COLQ: variants seen among roughly 807,000 people sequenced by gnomAD.
The protein encoded by COLQ is collagen like tail subunit of asymmetric acetylcholinesterase.
Under a neutral mutation model 69.0 loss-of-function variants are expected in COLQ, and 48 were observed. That is an observed-to-expected ratio of 0.70 (90% CI 0.55 to 0.88). COLQ has a LOEUF of 0.88. COLQ is among the 40% of genes least tolerant of loss of function. The probability of loss-of-function intolerance (pLI) is 0.00; values close to 1 mark genes in which losing one functional copy is unlikely to be tolerated. For synonymous variants in COLQ, 217 were observed against 211.2 expected, an observed-to-expected ratio of 1.03 and a Z score of -0.24; for missense variants, 618 against 594.6, an observed-to-expected ratio of 1.04 and a Z score of -0.41.
intron 1 of COLQ, among the ~76,000 whole-genome samples, chr3:15,494,036 T>C (rs1054836032): frequency 1.3e-5 from 2 of 152,220 alleles, no homozygotes; most frequent in Non-Finnish European, 2.9e-5. Context: ...TGAGCCGAGA[T>C]TGTGCCATTG....
intron 12 of COLQ, among the ~76,000 whole-genome samples, chr3:15,464,446 C>T (rs2062167463): frequency 6.6e-6 from 1 of 152,208 alleles, no homozygotes; most frequent in African/African-American, 2.4e-5. Context: ...ATTTTTCTGC[C>T]ATAATTCACC....
At chr3:15,475,898 G>C (rs574786939) in intron 6 of COLQ, among the ~76,000 whole-genome samples, 1 of 152,286 alleles carries the variant, frequency 6.6e-6, no homozygotes, top group Admixed American at 6.5e-5. Context: ...TCCTCAGAAT[G>C]ATTTGTGGTT....
At chr3:15,490,513 T>C (rs184524110) in intron 1 of COLQ, among the ~76,000 whole-genome samples, 2 of 152,368 alleles carry the variant, frequency 1.3e-5, no homozygotes, top group East Asian at 1.9e-4. Flanking sequence ...AATGGAATCA[T>C]ACAATATGAA....
At position 15,456,515 on chromosome 3, in the gene COLQ, C is replaced by A. The variant is rs375225755; in HGVS notation, c.1019G>T (p.Arg340Leu). 5 of 1,614,124 alleles carry A rather than the reference C, an allele frequency of 3.1e-6. No homozygotes were observed. Among genetic ancestry groups the A allele is most frequent in the South Asian group, 1.1e-5 (1 of 91,080 alleles). ...RLNTQNAIAF[R>L]RDQRSLYFKD... is the part of the protein sequence containing the mutation. The stretch of plus-strand genomic sequence containing the variant: ...GAAGTACAGAGATCTCTGGTCTCTG[C>A]GGAAGGCAATGGCGTTTTGGGTGTT... Residue 340 changes from arginine (R) to leucine (L), a missense_variant, in exon 14 of 17, where the codon CGC becomes CTC. Coordinates refer to ENST00000383788, the MANE Select transcript of COLQ (RefSeq NM_005677.4).
chr3:15,482,573 G>A (rs1446524958), intron 3 of COLQ, among the ~76,000 whole-genome samples: 2 of 152,204 alleles, frequency 1.3e-5, no homozygotes, highest in Admixed American at 6.5e-5. Flanking sequence ...CTTGATCATG[G>A]TGGATAAGCT....
chr3:15,479,765 T>C (rs1180761405), intron 3 of COLQ, among the ~76,000 whole-genome samples: 2 of 152,200 alleles, frequency 1.3e-5, no homozygotes, highest in Non-Finnish European at 2.9e-5. Flanking sequence ...TCTTTTCAGT[T>C]ACTCTTGCCA....
chr3:15,496,514 T>C (rs2062748515), intron 1 of COLQ, among the ~76,000 whole-genome samples: 1 of 152,188 alleles, frequency 6.6e-6, no homozygotes, highest in Non-Finnish European at 1.5e-5. Flanking sequence ...CAGGCTCCAG[T>C]CTGGAAAAGC....
intron 1 of COLQ, among the ~76,000 whole-genome samples, chr3:15,508,819 T>C (rs2062944758): frequency 1.3e-5 from 2 of 151,304 alleles, no homozygotes; most frequent in Admixed American, 1.3e-4. Flanking sequence ...AAATTATATA[T>C]TATAAATTGT....
chr3:15,477,871 A>G (rs1026096385), intron 5 of COLQ, among the ~76,000 whole-genome samples: 1 of 152,194 alleles, frequency 6.6e-6, no homozygotes, highest in Non-Finnish European at 1.5e-5. Context: ...GAGTGGTCCC[A>G]TAATAATGTA....
rs770006712 is a variant in COLQ, at chr3:15,475,478, CT to C, written c.474del (p.Gly159ValfsTer5). The C allele has an allele frequency of 7.5e-6, 12 of 1,597,826 alleles. No individual in the cohort carries two copies. Among genetic ancestry groups the C allele is most frequent in the Admixed American group, 1.7e-5 (1 of 58,186 alleles). ...WPGPEGPRGE[K>X]GDLGMMGLPG... ...GGCAAGCCCATCATACCCAGGTCAC[CT>C]TTTTCACCCTGTGGGAATTAGAAGA... On this transcript the variant is annotated frameshift_variant, in exon 7 of 17. Transcript: ENST00000383788. LOFTEE classifies it high-confidence loss of function.
intron 12 of COLQ, among the ~76,000 whole-genome samples, chr3:15,464,317 G>C (rs1214572218): frequency 6.6e-6 from 1 of 152,204 alleles, no homozygotes; most frequent in Non-Finnish European, 1.5e-5. Context: ...TATGGCATGA[G>C]AACAGCAGCC....
chr3:15,504,225 C>T (rs1333474596), intron 1 of COLQ, among the ~76,000 whole-genome samples: 1 of 152,198 alleles, frequency 6.6e-6, no homozygotes, highest in African/African-American at 2.4e-5. Context: ...AGTGCAGAAT[C>T]GCTGCGGTTC....
intron 11 of COLQ, 75 bp downstream of exon 11, chr3:15,470,460 AC>A (rs2125109542): frequency 1.5e-6 from 2 of 1,334,460 alleles, no homozygotes; most frequent in East Asian, 2.3e-5. Context: ...GATTAACGCC[AC>A]CTGCCTGCCA....
intron 1 of COLQ, among the ~76,000 whole-genome samples, chr3:15,511,032 G>A (rs906145823): frequency 1.3e-5 from 2 of 152,142 alleles, no homozygotes; most frequent in Non-Finnish European, 2.9e-5. Context: ...AGAAATACAC[G>A]CCAAGACCCC....
At chr3:15,478,836 T>C (rs958973789) in intron 5 of COLQ, 141 bp downstream of exon 5, 1 of 1,000,682 alleles carries the variant, frequency 1.0e-6, no homozygotes. Context: ...ACTGTCACCA[T>C]CGAGACAGCA....
At chr3:15,488,054 C>T (rs1001920259) in intron 3 of COLQ, 152 bp downstream of exon 3, 1 of 621,594 alleles carries the variant, frequency 1.6e-6, no homozygotes, top group South Asian at 2.0e-5. Context: ...AGTCAGTGTT[C>T]TATCCAAGTG....
In COLQ at chr3:15,456,552, G is replaced by T. The variant is rs771559323; in HGVS notation, c.982C>A (p.Leu328Ile). The change falls in exon 14 of 17, where the codon CTT becomes ATT. Residue 328 changes from leucine (L) to isoleucine (I), a missense_variant. Physicochemically the swap from Leu to Ile is conservative, Grantham distance 5 (BLOSUM62 2). Coordinates refer to ENST00000383788, the MANE Select transcript of COLQ (RefSeq NM_005677.4). ...VIFVVNNQEE[L>I]ERLNTQNAIA... is the part of the protein sequence containing the mutation. The stretch of plus-strand genomic sequence containing the variant: ...GCGTTTTGGGTGTTCAGCCTCTCAA[G>T]CTCCTCCTGGTTGTTGACCACAAAA... 3.1e-6 allele frequency: 5 copies of T among 1,614,142 alleles called. 1 individual carries two copies. The South Asian group carries it at 4.4e-5, about 14-fold the overall frequency.
rs577785814 is a variant in COLQ at position 15,497,642 on chromosome 3, C to T, written c.107-8005G>A. On this transcript the variant is annotated intron_variant, in intron 1 of 16. Transcript: ENST00000383788. ...CCTGTCCAGTTGGTGGACTAGTCAGCTTTTTACTTCCTCCTCCTCTTTTGG... is the reference window on the plus strand; with the variant it reads ...CCTGTCCAGTTGGTGGACTAGTCAGTTTTTTACTTCCTCCTCCTCTTTTGG... Among the ~76,000 whole-genome samples the T allele has an allele frequency of 1.5e-3, 229 of 152,280 alleles. 1 individual carries two copies. Among genetic ancestry groups the T allele is most frequent in the Non-Finnish European group, 2.6e-3 (177 of 68,028 alleles).
rs1415282727 is a variant in COLQ at position 15,508,765 on chromosome 3, T to A, written c.106+12755A>T. Among the ~76,000 whole-genome samples, 5 of 152,022 alleles carry A rather than the reference T, an allele frequency of 3.3e-5. 1 individual carries two copies. Reference sequence around the variant, plus strand: ...TTTTGAATTTTGCCCATCCGATAGATGAAAAATGGGCAAATTTTCAGTCTC... The same window carrying A: ...TTTTGAATTTTGCCCATCCGATAGAAGAAAAATGGGCAAATTTTCAGTCTC... On this transcript the variant is annotated intron_variant, in intron 1 of 16. Transcript: ENST00000383788.
Sources: gnomAD v4.1 joint callset for allele counts (sites outside exome capture counted in the v4.1 genomes callset) on GRCh38, gnomAD v4.1.1 for gene constraint, MANE v1.5 for transcripts, NCBI Gene and HGNC (gene_info 2026-07-23, HGNC 2026-07-21) for gene names.